Variants in LPIN1 observed in about 807,000 individuals in gnomAD.
The protein encoded by LPIN1 is phosphatidate phosphatase LPIN1.
Under a neutral mutation model 107.5 loss-of-function variants are expected in LPIN1, and 71 were observed. The observed-to-expected ratio is 0.66, with a 90% CI of 0.55 to 0.80. LPIN1 has a LOEUF of 0.80. LPIN1 is among the 30% of genes least tolerant of loss of function. LPIN1 has a pLI of 0.00. For synonymous variants in LPIN1, 445 were observed against 452.6 expected (o/e 0.98, Z 0.21); for missense variants, 1,043 against 1,160.6 (o/e 0.90, Z 1.47).
At chr2:11,804,130 A>T (rs1678241774) in intron 15 of LPIN1, among the ~76,000 whole-genome samples, 1 of 152,152 alleles carries the variant, frequency 6.6e-6, no homozygotes, top group African/African-American at 2.4e-5. Context: ...TAATGACTGT[A>T]ATCTGAAAAT....
intron 1 of LPIN1, among the ~76,000 whole-genome samples, chr2:11,727,101 A>G (rs1222148290): frequency 6.6e-6 from 1 of 152,112 alleles, no homozygotes; most frequent in East Asian, 1.9e-4. Flanking sequence ...AATGTTTGAG[A>G]CTATGTTAAT....
intron 1 of LPIN1, among the ~76,000 whole-genome samples, chr2:11,760,542 G>A (rs1189975706): frequency 2.6e-5 from 4 of 152,206 alleles, no homozygotes; most frequent in African/African-American, 4.8e-5. Context: ...CCAGTCAGGC[G>A]TGGCGGCGCA....
rs1230631638 is a variant in LPIN1 at position 11,826,746 on chromosome 2, G to T, written c.*1955G>T. ...AATGGGGGGATGTATCCCTCATGCA[G>T]TTGGCATCCAGGCAGCCCTCTGCAG... is the stretch of plus-strand genomic sequence containing the variant. On this transcript the variant is annotated 3_prime_UTR_variant, in exon 21 of 21. Transcript: ENST00000674199. 6.6e-6 allele frequency: 1 copy of T among 152,214 alleles called. No homozygotes were observed. Among genetic ancestry groups the T allele is most frequent in the Non-Finnish European group, 1.5e-5 (1 of 68,048 alleles). The allele number at this position is 152,214 out of a possible 1,614,324, so 9.4% of individuals were successfully genotyped here. A position where few individuals can be genotyped will look rare whatever the true frequency, so the allele number is the denominator to read the frequency against.
At position 11,773,810 on chromosome 2, in the gene LPIN1, C is replaced by T. The variant is rs878972035; in HGVS notation, c.722+65C>T. On this transcript the variant is annotated intron_variant, in intron 5 of 20. Transcript: ENST00000674199. ...TAGAAGTCAGTGATAGGAAGCAATT[C>T]TAAGAAAAGAATGAAATAGAAATGA... is the stretch of plus-strand genomic sequence containing the variant. 1.0e-5 allele frequency: 16 copies of T among 1,555,004 alleles called. No homozygotes were observed. The East Asian group carries it at 3.1e-4, about 31-fold the overall frequency.
intron 4 of LPIN1, among the ~76,000 whole-genome samples, chr2:11,772,693 G>A (rs1306697262): frequency 2.0e-5 from 3 of 152,084 alleles, no homozygotes; most frequent in East Asian, 1.9e-4. Flanking sequence ...CTGTTTGTAT[G>A]TATTACTATT....
At chr2:11,824,014 G>A (rs771966586) in intron 20 of LPIN1, among the ~76,000 whole-genome samples, 2 of 152,030 alleles carry the variant, frequency 1.3e-5, no homozygotes, top group Non-Finnish European at 2.9e-5. Flanking sequence ...ATACATTTGA[G>A]CACCCAGTAT....
chr2:11,782,882 C>T (rs927286286), intron 8 of LPIN1, among the ~76,000 whole-genome samples: 1 of 152,164 alleles, frequency 6.6e-6, no homozygotes, highest in Non-Finnish European at 1.5e-5. Context: ...AGCCCCTTAC[C>T]CACTGTAATT....
chr2:11,760,023 G>A (rs1208498582), intron 1 of LPIN1, among the ~76,000 whole-genome samples: 5 of 147,094 alleles, frequency 3.4e-5, no homozygotes, highest in Non-Finnish European at 6.0e-5. Context: ...GGGCAGAGAC[G>A]CTCCTCACCT....
chr2:11,740,699 A>AAAAAGGAAGAAAGAAAGAAAAG (rs1666263003), intron 1 of LPIN1, among the ~76,000 whole-genome samples: 1 of 128,906 alleles, frequency 7.8e-6, no homozygotes, highest in African/African-American at 4.5e-5. Context: ...AAAAAAAAAA[A>AAAAAGGAAGAAAGAAAGAAAAG]AAAAGGAAGA....
At position 11,765,870 on chromosome 2, in the gene LPIN1, C is replaced by T. The variant is rs555015914; in HGVS notation, c.192+137C>T. 1 of 694,648 alleles carries T rather than the reference C, an allele frequency of 1.4e-6. No homozygotes were observed. The highest frequency in any genetic ancestry group is 4.1e-4 in the Middle Eastern group (1 of 2,444). The allele number at this position is 694,648 out of a possible 1,614,324, so 43.0% of individuals were successfully genotyped here. A position where few individuals can be genotyped will look rare whatever the true frequency, so the allele number is the denominator to read the frequency against. ...TGGAAATGGCCAGTCACGGAACTGA[C>T]AGTGACTAATTGAAATTATTCTAGT... On this transcript the variant is annotated intron_variant, in intron 2 of 20. Coordinates refer to ENST00000674199, the MANE Select transcript of LPIN1 (RefSeq NM_001349206.2). The surrounding 1 kb of genome is among the most constrained non-coding windows in gnomAD (Gnocchi z 4.4).
intron 17 of LPIN1, among the ~76,000 whole-genome samples, chr2:11,810,420 G>T (rs1679451006): frequency 6.6e-6 from 1 of 152,168 alleles, no homozygotes; most frequent in African/African-American, 2.4e-5. Context: ...GGTACTGGGT[G>T]GGCTCACTGA....
rs1043610151 is a variant in LPIN1, at chr2:11,753,461, G to A, written c.-10+6790G>A. On this transcript the variant is annotated intron_variant, in intron 1 of 20. Transcript: ENST00000674199. ...AGAGCTGTGCTCTTCTGTTTAAGAA[G>A]CTCCTCAAGGCACTCTGGCCAGGAC... Among the ~76,000 whole-genome samples the A allele has an allele frequency of 1.8e-4, 27 of 152,358 alleles. 1 individual carries two copies. Among genetic ancestry groups the A allele is most frequent in the Middle Eastern group, 3.4e-3 (1 of 294 alleles).
intron 13 of LPIN1, 32 bp from the exon 14 acceptor site, chr2:11,795,376 C>CT: frequency 6.3e-7 from 1 of 1,587,546 alleles, no homozygotes. Context: ...CTCTGTGGTA[C>CT]TTCTGTGACT....
chr2:11,684,620 G>A (rs987008764), intron 1 of LPIN1, among the ~76,000 whole-genome samples: 1 of 152,174 alleles, frequency 6.6e-6, no homozygotes, highest in Non-Finnish European at 1.5e-5. Context: ...ATGTGACTTG[G>A]CCCATTCAAA....
chr2:11,782,512 C>T lies in LPIN1; in HGVS notation c.1264+5C>T, dbSNP rs189276809. The T allele has an allele frequency of 2.0e-5, 32 of 1,613,910 alleles. No homozygotes were observed. In the East Asian group the frequency reaches 6.0e-4, roughly 30 times the overall value. On this transcript the variant is annotated splice_donor_5th_base_variant and intron_variant, in intron 8 of 20. Coordinates refer to ENST00000674199, the MANE Select transcript of LPIN1 (RefSeq NM_001349206.2). ...ATTCTCCTTCCAGGAAAAGAGGTACCAAGGCTGGGGCTTCCCGGCTCTTTT... is the reference window on the plus strand; with the variant it reads ...ATTCTCCTTCCAGGAAAAGAGGTACTAAGGCTGGGGCTTCCCGGCTCTTTT...
intron 1 of LPIN1, among the ~76,000 whole-genome samples, chr2:11,692,610 G>A (rs571172309): frequency 9.9e-5 from 15 of 152,190 alleles, no homozygotes; most frequent in Non-Finnish European, 2.1e-4. Context: ...AGCACGATAC[G>A]TGCCCTACAC....
chr2:11,793,083 A>G (rs888036696), intron 13 of LPIN1, among the ~76,000 whole-genome samples: 7 of 152,210 alleles, frequency 4.6e-5, no homozygotes, highest in African/African-American at 1.7e-4. Context: ...CTAAGCAGAC[A>G]TCGTCCTGTG....
At chr2:11,689,212 G>C (rs746553916) in intron 1 of LPIN1, among the ~76,000 whole-genome samples, 2 of 152,188 alleles carry the variant, frequency 1.3e-5, no homozygotes, top group Non-Finnish European at 2.9e-5. Flanking sequence ...AAACACACAG[G>C]TGATTCTTAG....
intron 2 of LPIN1, among the ~76,000 whole-genome samples, chr2:11,716,126 A>G (rs1383832414): frequency 6.6e-6 from 1 of 152,122 alleles, no homozygotes; most frequent in Non-Finnish European, 1.5e-5. Flanking sequence ...GGCTGGAAAC[A>G]CCGAACTGCA....
Sources: gnomAD v4.1 joint callset for allele counts (sites outside exome capture counted in the v4.1 genomes callset) on GRCh38, gnomAD v4.1.1 for gene constraint, Gnocchi (gnomAD v3.1) non-coding constraint, MANE v1.5 for transcripts, NCBI Gene and HGNC (gene_info 2026-07-23, HGNC 2026-07-21) for gene names.